The following PCDH9 variants were observed in gnomAD, a reference collection of about 807,000 sequenced individuals.
The protein encoded by PCDH9 is protocadherin-9.
A neutral mutation model predicts 70.6 loss-of-function variants in PCDH9; 24 were observed. The ratio of observed to expected loss-of-function variants is 0.34; its 90% CI spans 0.25 to 0.48. The LOEUF (loss-of-function observed/expected upper bound fraction) is 0.48, where lower values mean the gene tolerates loss of function less well. PCDH9 is among the 20% of genes least tolerant of loss of function. PCDH9 has a pLI of 0.99. For missense variants in PCDH9, 1,281 were observed against 1,503.6 expected (o/e 0.85, Z 2.45); for synonymous variants, 562 against 558.5 (o/e 1.01, Z -0.09).
intron 2 of PCDH9, among the ~76,000 whole-genome samples, chr13:66,911,468 T>A (rs966580182): frequency 6.6e-6 from 1 of 152,204 alleles, no homozygotes; most frequent in Non-Finnish European, 1.5e-5. Context: ...TTTATGAGAA[T>A]CACAAATCGT....
chr13:67,025,605 G>A (rs2084763782), intron 2 of PCDH9, among the ~76,000 whole-genome samples: 1 of 151,988 alleles, frequency 6.6e-6, no homozygotes, highest in Non-Finnish European at 1.5e-5. Flanking sequence ...TATCCACTGT[G>A]TGCTAAGTTA....
chr13:66,784,435 A>C (rs2080047959), intron 3 of PCDH9, among the ~76,000 whole-genome samples: 1 of 152,176 alleles, frequency 6.6e-6, no homozygotes, highest in Non-Finnish European at 1.5e-5. Context: ...GCCATGTTCC[A>C]AGACATTGTC....
intron 2 of PCDH9, among the ~76,000 whole-genome samples, chr13:67,144,141 CTCT>C (rs1566452907): frequency 6.6e-6 from 1 of 152,242 alleles, no homozygotes; most frequent in East Asian, 1.9e-4. Context: ...ATCTTTAGAA[CTCT>C]AGAACAGCAA....
At chr13:66,324,091 C>G (rs1955799995) in intron 4 of PCDH9, among the ~76,000 whole-genome samples, 1 of 151,988 alleles carries the variant, frequency 6.6e-6, no homozygotes, top group Admixed American at 6.6e-5. Context: ...TCTTCTTTTA[C>G]TTTTTCTAAA....
chr13:67,060,009 G>A (rs535892699), intron 2 of PCDH9, among the ~76,000 whole-genome samples: 8 of 151,720 alleles, frequency 5.3e-5, no homozygotes, highest in Non-Finnish European at 1.0e-4. Context: ...GAGTATGAGG[G>A]GGTGTGGCTC....
At chr13:66,800,552 T>C (rs1217132530) in intron 3 of PCDH9, among the ~76,000 whole-genome samples, 2 of 152,136 alleles carry the variant, frequency 1.3e-5, no homozygotes, top group African/African-American at 2.4e-5. Context: ...CTCCAGTGCC[T>C]AGAATGGTCG....
chr13:66,744,836 G>A (rs2079333650), intron 3 of PCDH9, among the ~76,000 whole-genome samples: 1 of 152,082 alleles, frequency 6.6e-6, no homozygotes, highest in South Asian at 2.1e-4. Flanking sequence ...ATATATATTA[G>A]TTCTGGCATT....
At chr13:66,497,131 G>T (rs910265440) in intron 4 of PCDH9, among the ~76,000 whole-genome samples, 7 of 151,710 alleles carry the variant, frequency 4.6e-5, no homozygotes, top group African/African-American at 1.7e-4. Context: ...GTAATGGCGG[G>T]ATCTTGGCTC....
intron 3 of PCDH9, among the ~76,000 whole-genome samples, chr13:66,796,918 T>G (rs937912257): frequency 6.6e-6 from 1 of 152,082 alleles, no homozygotes. Context: ...CTGTGGCAGA[T>G]GAAGACTTTA....
rs934127781 is a variant in PCDH9, at chr13:66,674,193, A to G, written c.3139-42782T>C. ...AGATAATATAACATTTTAAAAATCA[A>G]TGGAGTTAATTTTATCAGTGATTTA... On this transcript the variant is annotated intron_variant, in intron 3 of 4. Transcript: ENST00000377865. Among the ~76,000 whole-genome samples, 9 of 152,198 alleles carry G rather than the reference A, an allele frequency of 5.9e-5. No individual in the cohort carries two copies. In the East Asian group the frequency reaches 1.5e-3, roughly 26 times the overall value.
chr13:66,634,061 A>G (rs2077606540), intron 3 of PCDH9, among the ~76,000 whole-genome samples: 1 of 152,228 alleles, frequency 6.6e-6, no homozygotes, highest in African/African-American at 2.4e-5. Flanking sequence ...TTTCTTTAGC[A>G]CTTTATAAGT....
At chr13:66,877,273 G>C (rs1279478347) in intron 3 of PCDH9, among the ~76,000 whole-genome samples, 1 of 151,168 alleles carries the variant, frequency 6.6e-6, no homozygotes, top group Non-Finnish European at 1.5e-5. Context: ...AAATATATAT[G>C]TTATATCAGA....
chr13:66,823,865 G>A (rs933624768), intron 3 of PCDH9, among the ~76,000 whole-genome samples: 3 of 152,030 alleles, frequency 2.0e-5, no homozygotes, highest in Non-Finnish European at 2.9e-5. Flanking sequence ...ATATTAGTTA[G>A]TAAAAATGTC....
chr13:66,584,774 G>T lies in PCDH9; in HGVS notation c.3340+46436C>A, dbSNP rs546026376. Among the ~76,000 whole-genome samples the T allele has an allele frequency of 9.2e-5, 14 of 152,214 alleles. 1 individual carries two copies. The South Asian group carries it at 2.7e-3, about 29-fold the overall frequency. ...TTGATAGAGGAAGGAATGAAATATA[G>T]TTACTGGCCTGTAGAGGCTCACGAT... On this transcript the variant is annotated intron_variant, in intron 4 of 4. Transcript: ENST00000377865.
chr13:66,639,795 G>A (rs1394358986), intron 3 of PCDH9, among the ~76,000 whole-genome samples: 1 of 152,096 alleles, frequency 6.6e-6, no homozygotes, highest in Non-Finnish European at 1.5e-5. Context: ...CTGCATTGTT[G>A]GTGATTTGCT....
Position 66,933,158 on chromosome 13 carries a change from C to A in PCDH9, c.3037-29553G>T, listed in dbSNP as rs377559086. On this transcript the variant is annotated intron_variant, in intron 2 of 4. Coordinates refer to ENST00000377865, the MANE Select transcript of PCDH9 (RefSeq NM_203487.3). ...TATTTTTGCCTTTTTAGGCAAAAAT[C>A]CTGAACATGTGATTTCTTAGTGTTA... is the stretch of plus-strand genomic sequence containing the variant. 6.1e-4 allele frequency among the ~76,000 whole-genome samples: 93 copies of A among 151,990 alleles called. No homozygotes were observed. The Middle Eastern group carries it at 0.014, about 22-fold the overall frequency.
chr13:66,321,263 T>G (rs1955748317), intron 4 of PCDH9, among the ~76,000 whole-genome samples: 1 of 152,118 alleles, frequency 6.6e-6, no homozygotes, highest in African/African-American at 2.4e-5. Context: ...ATCTCTCTAT[T>G]TGTTATAAAA....
At chr13:66,336,317 T>G (rs1956037264) in intron 4 of PCDH9, among the ~76,000 whole-genome samples, 1 of 152,028 alleles carries the variant, frequency 6.6e-6, no homozygotes, top group Non-Finnish European at 1.5e-5. Flanking sequence ...AATACATGTT[T>G]GGATGGTCAG....
At chr13:66,921,743 G>A (rs184926245) in intron 2 of PCDH9, among the ~76,000 whole-genome samples, 1 of 151,442 alleles carries the variant, frequency 6.6e-6, no homozygotes, top group East Asian at 1.9e-4. Context: ...TTTAATAAAA[G>A]GGGAATTGTT....
Sources: gnomAD v4.1 joint callset for allele counts (sites outside exome capture counted in the v4.1 genomes callset) on GRCh38, gnomAD v4.1.1 for gene constraint, MANE v1.5 for transcripts, NCBI Gene and HGNC (gene_info 2026-07-23, HGNC 2026-07-21) for gene names.